SLC9D1: variants seen among roughly 807,000 people sequenced by gnomAD.
SLC9D1 encodes solute carrier family 9 member D1.
chr13:113,491,494 T>C, the SLC9D1 span, among the ~76,000 whole-genome samples: 2 of 149,044 alleles, frequency 1.3e-5, no homozygotes, highest in Non-Finnish European at 3.0e-5. Context: ...CCTTCCTTCC[T>C]TCCCTCCCTC....
the SLC9D1 span, among the ~76,000 whole-genome samples, chr13:113,521,217 T>TG: frequency 0.023 from 3,519 of 149,836 alleles, 91 homozygotes; most frequent in East Asian, 0.11. Context: ...GCACCTGTGG[T>TG]GGGGGGGCAT....
At chr13:113,495,836 G>A in the SLC9D1 span, 10 of 1,614,170 alleles carry the variant, frequency 6.2e-6, no homozygotes, top group Middle Eastern at 1.6e-4. Context: ...TGGGCCTGTC[G>A]GATGAAGAGA....
chr13:113,543,129 G>A, the SLC9D1 span, among the ~76,000 whole-genome samples: 1 of 71,128 alleles, frequency 1.4e-5, no homozygotes, highest in South Asian at 6.6e-4. Context: ...CTCCCTGTCC[G>A]TGACCACCTC....
At chr13:113,523,890 G>T in the SLC9D1 span, among the ~76,000 whole-genome samples, 1 of 152,188 alleles carries the variant, frequency 6.6e-6, no homozygotes, top group African/African-American at 2.4e-5. Flanking sequence ...TTGTTTAGAA[G>T]TGTTGCTTAA....
At chr13:113,524,155 T>G in the SLC9D1 span, 1 of 456,580 alleles carries the variant, frequency 2.2e-6, no homozygotes, top group Non-Finnish European at 4.4e-6. Flanking sequence ...GTGTTCTTGC[T>G]GTAGTTGTAT....
At chr13:113,538,967 T>C in the SLC9D1 span, among the ~76,000 whole-genome samples, 4 of 152,216 alleles carry the variant, frequency 2.6e-5, no homozygotes, top group Admixed American at 2.6e-4. Context: ...CCTGTCGCTT[T>C]CTCTCTGCTT....
chr13:113,494,799 G>T, the SLC9D1 span, among the ~76,000 whole-genome samples: 5 of 152,094 alleles, frequency 3.3e-5, no homozygotes, highest in East Asian at 9.6e-4. Flanking sequence ...CTGGAGTGAC[G>T]TTGAGCATGG....
the SLC9D1 span, among the ~76,000 whole-genome samples, chr13:113,493,351 G>A: frequency 6.6e-6 from 1 of 152,238 alleles, no homozygotes; most frequent in Admixed American, 6.5e-5. Context: ...ACTGGGAAGT[G>A]TAAGCAAAGC....
the SLC9D1 span, among the ~76,000 whole-genome samples, chr13:113,496,873 C>T: frequency 2.6e-5 from 4 of 152,084 alleles, no homozygotes; most frequent in East Asian, 3.8e-4. Flanking sequence ...ACAGTGGAGA[C>T]GTGAAGATAC....
At chr13:113,510,684 G>A in the SLC9D1 span, among the ~76,000 whole-genome samples, 2 of 152,160 alleles carry the variant, frequency 1.3e-5, no homozygotes, top group African/African-American at 4.8e-5. Context: ...GAGAGAAATT[G>A]GACCAAGATT....
the SLC9D1 span, among the ~76,000 whole-genome samples, chr13:113,547,860 GA>G: frequency 6.6e-6 from 1 of 152,020 alleles, no homozygotes; most frequent in Non-Finnish European, 1.5e-5. Context: ...TAAGGAGCCA[GA>G]AGCTGTGATG....
At chr13:113,491,402 C>T in the SLC9D1 span, 2 of 149,604 alleles carry the variant, frequency 1.3e-5, no homozygotes, top group Non-Finnish European at 3.0e-5. Flanking sequence ...CAAGGGTCCC[C>T]TTCCTTCCTT....
chr13:113,532,063 A>C, the SLC9D1 span, among the ~76,000 whole-genome samples: 1 of 152,184 alleles, frequency 6.6e-6, no homozygotes, highest in East Asian at 1.9e-4. Flanking sequence ...GGGATCGTAC[A>C]GCTCTTACCA....
At chr13:113,530,974 C>A in the SLC9D1 span, among the ~76,000 whole-genome samples, 1 of 152,168 alleles carries the variant, frequency 6.6e-6, no homozygotes, top group Non-Finnish European at 1.5e-5. Flanking sequence ...GGGTGGTGCC[C>A]AGGTTGGGAA....
the SLC9D1 span, among the ~76,000 whole-genome samples, chr13:113,548,607 C>T: frequency 6.6e-6 from 1 of 152,260 alleles, no homozygotes; most frequent in Non-Finnish European, 1.5e-5. Flanking sequence ...GCTCTCTGCT[C>T]ATCCAGCATG....
the SLC9D1 span, chr13:113,501,630 T>C: frequency 1.4e-6 from 1 of 729,724 alleles, no homozygotes; most frequent in Non-Finnish European, 2.2e-6. Flanking sequence ...GGTTTTGTCT[T>C]CACCCTTCAT....
At chr13:113,538,232 T>TGGTGTGC in the SLC9D1 span, among the ~76,000 whole-genome samples, 5 of 151,992 alleles carry the variant, frequency 3.3e-5, no homozygotes, top group African/African-American at 9.7e-5. Flanking sequence ...ATATGTGCTT[T>TGGTGTGC]GTGTGGTGTG....
At chr13:113,538,787 C>T in the SLC9D1 span, among the ~76,000 whole-genome samples, 29,506 of 152,286 alleles carry the variant, frequency 0.19, 3,666 homozygotes, top group African/African-American at 0.35. Context: ...GTGCGTCATC[C>T]GGAAGGCTGC....
At chr13:113,533,648 C>T in the SLC9D1 span, among the ~76,000 whole-genome samples, 3,726 of 152,242 alleles carry the variant, frequency 0.024, 98 homozygotes, top group East Asian at 0.12. Flanking sequence ...TGCTGACGGT[C>T]GCTGGAGTTC....
Sources: gnomAD v4.1 joint callset for allele counts (sites outside exome capture counted in the v4.1 genomes callset) on GRCh38, gnomAD v4.1.1 for gene constraint, MANE v1.5 for transcripts, NCBI Gene and HGNC (gene_info 2026-07-23, HGNC 2026-07-21) for gene names.